IFT88: variants seen among roughly 807,000 people sequenced by gnomAD.
IFT88 encodes intraflagellar transport 88.
IFT88 carries 74 observed loss-of-function variants against 119.5 expected under a neutral mutation model. That is an observed-to-expected ratio of 0.62 (90% CI 0.51 to 0.75). IFT88 has a LOEUF of 0.75. IFT88 is among the 30% of genes least tolerant of loss of function. The pLI is 0.00. For missense variants in IFT88, 961 were observed against 977.7 expected, an observed-to-expected ratio of 0.98 and a Z score of 0.23; for synonymous variants, 279 against 316.7, an observed-to-expected ratio of 0.88 and a Z score of 1.26.
rs567937936 is a variant in IFT88 at position 20,567,707 on chromosome 13, G to A, written c.-7+451G>A. On this transcript the variant is annotated intron_variant, in intron 1 of 25. Transcript: ENST00000351808. ...AAATTGCCTGATGAAAGTTGAATCA[G>A]GAATGAAGATAAAAGTACACAACAA... 8.3e-5 allele frequency: 100 copies of A among 1,205,546 alleles called. No homozygotes were observed. The African/African-American group carries it at 1.4e-3, about 17-fold the overall frequency. 74.7% of individuals were successfully genotyped at this position (1,205,546 alleles called of 1,614,324 possible).
intron 23 of IFT88, among the ~76,000 whole-genome samples, chr13:20,670,613 G>C (rs9579921): frequency 7.2e-6 from 1 of 138,152 alleles, no homozygotes; most frequent in African/African-American, 2.7e-5. Context: ...CCCTTTTGTA[G>C]ATTCTTATCC....
intron 14 of IFT88, among the ~76,000 whole-genome samples, chr13:20,620,730 T>C (rs1566227994): frequency 6.6e-6 from 1 of 152,062 alleles, no homozygotes; most frequent in Non-Finnish European, 1.5e-5. Context: ...CACGCCTGGC[T>C]AATTTTTTGT....
intron 23 of IFT88, among the ~76,000 whole-genome samples, chr13:20,669,250 G>A (rs1026112133): frequency 2.0e-5 from 3 of 152,124 alleles, no homozygotes; most frequent in African/African-American, 7.2e-5. Context: ...TTCTAGATGA[G>A]TGCAGGGAAC....
At position 20,653,141 on chromosome 13, in the gene IFT88, T is replaced by C. The variant is rs1471070851; in HGVS notation, c.1950-735T>C. ...TCACAGTGGGTGGCCGTGTAGGCAATGGATTTGAAGTTAAGTAACTTGCCC... is the reference window on the plus strand; with the variant it reads ...TCACAGTGGGTGGCCGTGTAGGCAACGGATTTGAAGTTAAGTAACTTGCCC... On this transcript the variant is annotated intron_variant, in intron 20 of 25. Transcript: ENST00000351808. Among the ~76,000 whole-genome samples, 6 of 152,168 alleles carry C rather than the reference T, an allele frequency of 3.9e-5. No individual in the cohort carries two copies. The East Asian group carries it at 1.2e-3, about 29-fold the overall frequency.
Position 20,691,210 on chromosome 13 carries a change from G to A in IFT88, c.*35G>A. ...TAATATTTATTAAAGGAAAGAAATT[G>A]CCTTATGAGATCATCCTCATGTTAA... On this transcript the variant is annotated 3_prime_UTR_variant, in exon 26 of 26. Coordinates refer to ENST00000351808, the MANE Select transcript of IFT88 (RefSeq NM_006531.5). 6.3e-7 allele frequency: 1 copy of A among 1,576,356 alleles called. No homozygotes were observed. The highest frequency in any genetic ancestry group is 8.7e-7 in the Non-Finnish European group (1 of 1,153,674).
chr13:20,573,263 C>A (rs974339556), intron 1 of IFT88, among the ~76,000 whole-genome samples: 2 of 144,428 alleles, frequency 1.4e-5, no homozygotes, highest in Non-Finnish European at 3.0e-5. Flanking sequence ...CACTAATCAA[C>A]GTTATTTTTT....
chr13:20,585,988 A>C (rs59233094), intron 3 of IFT88, among the ~76,000 whole-genome samples: 1 of 152,230 alleles, frequency 6.6e-6, no homozygotes, highest in African/African-American at 2.4e-5. Flanking sequence ...TAAGTGTTCC[A>C]TACATCTTTA....
intron 7 of IFT88, among the ~76,000 whole-genome samples, chr13:20,595,044 T>C (rs573290709): frequency 1.6e-4 from 24 of 152,250 alleles, no homozygotes; most frequent in African/African-American, 5.5e-4. Flanking sequence ...GTAACTGATT[T>C]GGGAATACTT....
chr13:20,601,614 G>A (rs1449507732), intron 11 of IFT88, 91 bp from the exon 12 acceptor site: 2 of 734,290 alleles, frequency 2.7e-6, no homozygotes, highest in African/African-American at 1.8e-5. Context: ...AGTAAAGTGG[G>A]AGACGAAAAA....
At chr13:20,590,758 T>C (rs1157735289) in intron 4 of IFT88, among the ~76,000 whole-genome samples, 1 of 152,196 alleles carries the variant, frequency 6.6e-6, no homozygotes, top group Non-Finnish European at 1.5e-5. Flanking sequence ...TATGTTCCAG[T>C]AAAACTTTAT....
chr13:20,628,544 C>A (rs145256325), intron 15 of IFT88, among the ~76,000 whole-genome samples: 94 of 152,152 alleles, frequency 6.2e-4, no homozygotes, highest in Non-Finnish European at 1.0e-3. Context: ...AATAAACTTA[C>A]AATATTTTAC....
At chr13:20,638,007 A>G (rs2049288513) in intron 16 of IFT88, among the ~76,000 whole-genome samples, 1 of 152,186 alleles carries the variant, frequency 6.6e-6, no homozygotes, top group African/African-American at 2.4e-5. Context: ...TGTGACAGCT[A>G]TTTCAGGGCT....
Position 20,644,847 on chromosome 13 carries a change from A to G in IFT88, c.1838A>G (p.Tyr613Cys), listed in dbSNP as rs1353135343. The G allele has an allele frequency of 1.4e-6, 2 of 1,441,188 alleles. No individual in the cohort carries two copies. The highest frequency in any genetic ancestry group is 1.4e-5 in the African/African-American group (1 of 71,284). The allele number at this position is 1,441,188 out of a possible 1,614,324, so 89.3% of individuals were successfully genotyped here. Residue 613 changes from tyrosine (Y) to cysteine (C), a missense_variant, in exon 20 of 26, where the codon TAT becomes TGT. Tyr to Cys is a radical substitution (Grantham distance 194). Transcript: ENST00000351808. The stretch of plus-strand genomic sequence containing the variant: ...CATTCCATATTTGTTTTACAGTCAT[A>G]TAGGTATTTTCCTTGTAATATTGAA... The part of the protein sequence containing the change: ...SQAFQYYYES[Y>C]RYFPCNIEVI...
chr13:20,570,025 C>T (rs1212986271), intron 1 of IFT88, among the ~76,000 whole-genome samples: 1 of 129,878 alleles, frequency 7.7e-6, no homozygotes, highest in Admixed American at 8.4e-5. Flanking sequence ...GGCGACAGAG[C>T]AAGATTCCGT....
Position 20,645,377 on chromosome 13 carries a change from A to C in IFT88, c.1949+419A>C, listed in dbSNP as rs529395234. On this transcript the variant is annotated intron_variant, in intron 20 of 25. Coordinates refer to ENST00000351808, the MANE Select transcript of IFT88 (RefSeq NM_006531.5). ...AGTGCTGGGATTACAGGCATGAGCC[A>C]CCGCGCCCAGCCAAATTATTTTTAT... 1.5e-3 allele frequency among the ~76,000 whole-genome samples: 232 copies of C among 152,330 alleles called. 1 individual carries two copies. Among genetic ancestry groups the C allele is most frequent in the African/African-American group, 5.4e-3 (225 of 41,576 alleles).
chr13:20,603,997 G>A (rs1302765970), intron 12 of IFT88, among the ~76,000 whole-genome samples: 1 of 152,152 alleles, frequency 6.6e-6, no homozygotes, highest in Non-Finnish European at 1.5e-5. Context: ...GGAGGTCAAG[G>A]GTTTAGTGAG....
intron 15 of IFT88, among the ~76,000 whole-genome samples, chr13:20,630,778 A>G (rs1459661397): frequency 6.6e-6 from 1 of 152,220 alleles, no homozygotes; most frequent in Non-Finnish European, 1.5e-5. Flanking sequence ...TGCTGTTAGA[A>G]CATCTATGTT....
intron 20 of IFT88, 28 bp downstream of exon 20, chr13:20,644,986 A>G (rs780438169): frequency 1.1e-5 from 12 of 1,058,800 alleles, no homozygotes; most frequent in Non-Finnish European, 1.7e-5. Flanking sequence ...TTTTATGTTT[A>G]GTTAATGTCA....
chr13:20,569,295 C>T (rs1425159272), intron 1 of IFT88, among the ~76,000 whole-genome samples: 3 of 152,012 alleles, frequency 2.0e-5, no homozygotes, highest in Non-Finnish European at 2.9e-5. Context: ...AACTTTTGGC[C>T]AGGCGTGGTG....
Sources: allele counts gnomAD v4.1 joint callset (sites outside exome capture counted in the v4.1 genomes callset), GRCh38; gene constraint gnomAD v4.1.1; transcripts MANE v1.5; gene names NCBI Gene and HGNC (gene_info 2026-07-23, HGNC 2026-07-21).